Variants in MOXD1 observed in about 807,000 individuals in gnomAD.
The protein encoded by MOXD1 is DBH-like monooxygenase protein 1.
A neutral mutation model predicts 66.6 loss-of-function variants in MOXD1; 62 were observed. That is an observed-to-expected ratio of 0.93 (90% CI 0.76 to 1.15). The LOEUF (loss-of-function observed/expected upper bound fraction) is 1.15. Ranked by LOEUF, MOXD1 falls within the 50% of genes most tolerant of loss-of-function variation. The pLI, the probability that MOXD1 is intolerant of heterozygous loss-of-function variation, is 0.00. For missense variants in MOXD1, 847 were observed against 754.6 expected, an observed-to-expected ratio of 1.12 and a Z score of -1.44; for synonymous variants, 303 against 281.9, an observed-to-expected ratio of 1.07 and a Z score of -0.75.
At chr6:132,364,580 C>T (rs1776079073) in intron 4 of MOXD1, among the ~76,000 whole-genome samples, 1 of 152,130 alleles carries the variant, frequency 6.6e-6, no homozygotes, top group Non-Finnish European at 1.5e-5. Flanking sequence ...ACCTCCAGAG[C>T]CAATTCTTGT....
At chr6:132,343,550 G>A (rs1429172973) in intron 4 of MOXD1, among the ~76,000 whole-genome samples, 1 of 151,934 alleles carries the variant, frequency 6.6e-6, no homozygotes, top group Non-Finnish European at 1.5e-5. Context: ...ACTCCAGCCT[G>A]GTCAACAGAG....
chr6:132,352,784 T>C (rs1775828385), intron 4 of MOXD1, among the ~76,000 whole-genome samples: 1 of 152,214 alleles, frequency 6.6e-6, no homozygotes, highest in Non-Finnish European at 1.5e-5. Context: ...TTAGTTCTAT[T>C]AGTAACTGTT....
rs1032324873 is a variant in MOXD1, at chr6:132,381,310, G to A, written c.265-6533C>T. 3.9e-5 allele frequency among the ~76,000 whole-genome samples: 6 copies of A among 152,300 alleles called. No homozygotes were observed. The South Asian group carries it at 8.3e-4, about 21-fold the overall frequency. ...CTTAATGAGACCAAAGTATTCCCCAGTAGTACCTTATTTCTTCTGTCTGTA... is the reference window on the plus strand; with the variant it reads ...CTTAATGAGACCAAAGTATTCCCCAATAGTACCTTATTTCTTCTGTCTGTA... On this transcript the variant is annotated intron_variant, in intron 1 of 11. Coordinates refer to ENST00000367963, the MANE Select transcript of MOXD1 (RefSeq NM_015529.4).
intron 4 of MOXD1, among the ~76,000 whole-genome samples, chr6:132,363,126 T>C (rs1411109674): frequency 5.9e-5 from 9 of 151,946 alleles, no homozygotes; most frequent in Non-Finnish European, 1.0e-4. Flanking sequence ...ATTAATTCCG[T>C]AGGACTCAAA....
intron 4 of MOXD1, among the ~76,000 whole-genome samples, chr6:132,368,314 G>C (rs966824383): frequency 2.0e-5 from 3 of 151,958 alleles, no homozygotes; most frequent in Non-Finnish European, 2.9e-5. Context: ...AATATGGAGA[G>C]GTGGGCTGCA....
At chr6:132,320,046 G>A (rs1394300495) in intron 9 of MOXD1, among the ~76,000 whole-genome samples, 1 of 152,024 alleles carries the variant, frequency 6.6e-6, no homozygotes, top group Non-Finnish European at 1.5e-5. Flanking sequence ...TTTCCATCAG[G>A]TGCATACTAC....
chr6:132,302,197 T>C (rs188329773), intron 10 of MOXD1, among the ~76,000 whole-genome samples: 9 of 152,232 alleles, frequency 5.9e-5, no homozygotes, highest in Admixed American at 5.2e-4. Flanking sequence ...CTAGCAGACA[T>C]TTGAGCTCAA....
At chr6:132,340,441 CTTTTTTT>C (rs71868555) in intron 4 of MOXD1, among the ~76,000 whole-genome samples, 6 of 106,288 alleles carry the variant, frequency 5.6e-5, no homozygotes, top group South Asian at 3.1e-4. Flanking sequence ...GCAACACTTT[CTTTTTTT>C]TTTTTTTTTT....
intron 1 of MOXD1, among the ~76,000 whole-genome samples, chr6:132,387,751 TAAAA>T (rs56728324): frequency 2.9e-5 from 2 of 69,512 alleles, no homozygotes; most frequent in African/African-American, 5.1e-5. Context: ...AAACTCCATC[TAAAA>T]AAAAAAAAAA....
At chr6:132,378,802 A>G (rs1470721622) in intron 1 of MOXD1, among the ~76,000 whole-genome samples, 2 of 150,776 alleles carry the variant, frequency 1.3e-5, no homozygotes, top group Non-Finnish European at 2.9e-5. Context: ...AATTTTACCA[A>G]ATATTTAAGG....
chr6:132,369,540 C>A (rs547729801), intron 4 of MOXD1, among the ~76,000 whole-genome samples: 2 of 151,846 alleles, frequency 1.3e-5, no homozygotes, highest in South Asian at 2.1e-4. Flanking sequence ...TGGCTTCTCC[C>A]GGGCATATCT....
At chr6:132,365,882 A>G (rs1228414542) in intron 4 of MOXD1, among the ~76,000 whole-genome samples, 1 of 152,176 alleles carries the variant, frequency 6.6e-6, no homozygotes, top group Non-Finnish European at 1.5e-5. Context: ...AGTTTCAGCC[A>G]CAGTAAATGC....
intron 9 of MOXD1, among the ~76,000 whole-genome samples, chr6:132,318,139 A>G (rs60593475): frequency 0.018 from 2,737 of 151,950 alleles, 94 homozygotes; most frequent in African/African-American, 0.062. Flanking sequence ...TTTCTTTCCT[A>G]TATTATTATA....
chr6:132,305,614 T>C (rs1174135991), intron 10 of MOXD1, among the ~76,000 whole-genome samples: 1 of 152,204 alleles, frequency 6.6e-6, no homozygotes, highest in Non-Finnish European at 1.5e-5. Flanking sequence ...ATCAGGTTGG[T>C]GCTCCTTGAG....
At chr6:132,377,118 A>T (rs529866906) in intron 1 of MOXD1, among the ~76,000 whole-genome samples, 73 of 152,172 alleles carry the variant, frequency 4.8e-4, no homozygotes, top group Non-Finnish European at 8.5e-4. Flanking sequence ...TCCAGAAATT[A>T]GCTATGTCAG....
At chr6:132,328,193 T>C (rs1775230985) in intron 5 of MOXD1, 78 bp from the exon 6 acceptor site, 3 of 1,327,392 alleles carry the variant, frequency 2.3e-6, no homozygotes, top group Non-Finnish European at 2.1e-6. Flanking sequence ...ACCAGCCATC[T>C]TCAAGGATAT....
intron 1 of MOXD1, among the ~76,000 whole-genome samples, chr6:132,380,452 A>G (rs1040359894): frequency 1.3e-5 from 2 of 152,090 alleles, no homozygotes; most frequent in Admixed American, 6.6e-5. Flanking sequence ...TTCAACTAAG[A>G]TATCTTCTCC....
chr6:132,358,549 T>C (rs1233759915), intron 4 of MOXD1, among the ~76,000 whole-genome samples: 1 of 152,222 alleles, frequency 6.6e-6, no homozygotes, highest in Non-Finnish European at 1.5e-5. Flanking sequence ...TAAAAGCATT[T>C]TCAAAGTAAT....
At chr6:132,319,894 G>A (rs912336854) in intron 9 of MOXD1, among the ~76,000 whole-genome samples, 2 of 151,932 alleles carry the variant, frequency 1.3e-5, no homozygotes, top group African/African-American at 4.8e-5. Context: ...CCTCTGTTGA[G>A]GTGATTATAT....
Sources: allele counts gnomAD v4.1 joint callset (sites outside exome capture counted in the v4.1 genomes callset), GRCh38; gene constraint gnomAD v4.1.1; transcripts MANE v1.5; gene names NCBI Gene and HGNC (gene_info 2026-07-23, HGNC 2026-07-21).